SLC15A2: variants seen among roughly 807,000 people sequenced by gnomAD.
SLC15A2 encodes the protein solute carrier family 15 member 2.
Under a neutral mutation model 95.5 loss-of-function variants are expected in SLC15A2, and 77 were observed. The observed-to-expected ratio is 0.81, with a 90% CI of 0.67 to 0.97. SLC15A2 has a LOEUF of 0.97. Ranked by LOEUF, SLC15A2 falls within the 50% of genes least tolerant of loss-of-function variation. SLC15A2 has a pLI of 0.00. For missense variants in SLC15A2, 893 were observed against 874.4 expected (o/e 1.02, Z -0.27); for synonymous variants, 306 against 306.9 (o/e 1.00, Z 0.03).
In SLC15A2 at chr3:121,922,124, G is replaced by A; in HGVS notation, c.698-96G>A. 1.7e-5 allele frequency: 15 copies of A among 904,190 alleles called. No individual in the cohort carries two copies. The South Asian group carries it at 2.3e-4, about 14-fold the overall frequency. The allele number at this position is 904,190 out of a possible 1,614,324, so 56.0% of individuals were successfully genotyped here. On this transcript the variant is annotated intron_variant, in intron 7 of 21. Coordinates refer to ENST00000489711, the MANE Select transcript of SLC15A2 (RefSeq NM_021082.4). ...TTTAGGTTTGTGCAAAAGTTATTGTGGTTTTTGCCATTGAAAGTAATGGCA... is the reference window on the plus strand; with the variant it reads ...TTTAGGTTTGTGCAAAAGTTATTGTAGTTTTTGCCATTGAAAGTAATGGCA...
At chr3:121,920,973 T>A (rs1236783449) in intron 7 of SLC15A2, among the ~76,000 whole-genome samples, 4 of 152,232 alleles carry the variant, frequency 2.6e-5, no homozygotes, top group Non-Finnish European at 5.9e-5. Flanking sequence ...GTATTTCTAC[T>A]GATTTTAATT....
chr3:121,904,569 G>A (rs1709592696), intron 3 of SLC15A2, among the ~76,000 whole-genome samples: 1 of 152,150 alleles, frequency 6.6e-6, no homozygotes, highest in Non-Finnish European at 1.5e-5. Flanking sequence ...AAGGGCTGTT[G>A]ATTTTTGTCG....
Position 121,904,392 on chromosome 3 carries a change from A to G in SLC15A2, c.335+6863A>G, listed in dbSNP as rs1010651313. 1.3e-4 allele frequency among the ~76,000 whole-genome samples: 20 copies of G among 152,338 alleles called. 1 individual carries two copies. The South Asian group carries it at 3.3e-3, about 25-fold the overall frequency. ...GCCAGAACTTCCAACACTATGTTGA[A>G]TAGAAGTGGTGAGAGAGGGCATCCC... On this transcript the variant is annotated intron_variant, in intron 3 of 21. Transcript: ENST00000489711.
intron 17 of SLC15A2, 50 bp downstream of exon 17, chr3:121,929,398 A>G: frequency 6.4e-7 from 1 of 1,560,358 alleles, no homozygotes; most frequent in Non-Finnish European, 8.8e-7. Flanking sequence ...TGAATCTTGG[A>G]TCTCTTCTAA....
At chr3:121,904,644 G>A (rs955653647) in intron 3 of SLC15A2, among the ~76,000 whole-genome samples, 18 of 152,146 alleles carry the variant, frequency 1.2e-4, no homozygotes, top group Admixed American at 3.9e-4. Context: ...TTTATATGCC[G>A]GATTACGTTT....
rs767276234 is a variant in SLC15A2, at chr3:121,940,368, CT to C, written c.1909-14del. 104 of 1,608,120 alleles carry C rather than the reference CT, an allele frequency of 6.5e-5. No homozygotes were observed. The highest frequency in any genetic ancestry group is 7.7e-5 in the Non-Finnish European group (90 of 1,174,926). Reference sequence around the variant, plus strand: ...TGAAGGGGGTTTGTTTACTTTCAAACTTGTGTCATCCCCAGGCTCCCTCTAG... The same window carrying C: ...TGAAGGGGGTTTGTTTACTTTCAAACTGTGTCATCCCCAGGCTCCCTCTAG... On this transcript the variant is annotated splice_polypyrimidine_tract_variant and intron_variant, in intron 20 of 21. Coordinates refer to ENST00000489711, the MANE Select transcript of SLC15A2 (RefSeq NM_021082.4).
intron 5 of SLC15A2, 121 bp from the exon 6 acceptor site, chr3:121,915,106 T>C (rs1709859585): frequency 9.2e-7 from 1 of 1,091,126 alleles, no homozygotes; most frequent in African/African-American, 1.6e-5. Context: ...GAAATTCAGG[T>C]ATTGTGGAGG....
At chr3:121,898,614 G>A (rs986426727) in intron 3 of SLC15A2, among the ~76,000 whole-genome samples, 2 of 152,106 alleles carry the variant, frequency 1.3e-5, no homozygotes, top group Non-Finnish European at 2.9e-5. Flanking sequence ...AAGCTCTTGT[G>A]GTCAAACAAG....
chr3:121,898,681 T>C (rs1214898719), intron 3 of SLC15A2, among the ~76,000 whole-genome samples: 1 of 152,222 alleles, frequency 6.6e-6, no homozygotes, highest in African/African-American at 2.4e-5. Context: ...CATGACTTCT[T>C]ATAGCCTTAA....
intron 5 of SLC15A2, among the ~76,000 whole-genome samples, chr3:121,913,583 A>ATGAG (rs1463040474): frequency 6.6e-6 from 1 of 152,216 alleles, no homozygotes; most frequent in Non-Finnish European, 1.5e-5. Context: ...ATGGGAGGTG[A>ATGAG]TAAGTAGTAT....
chr3:121,936,472 A>C (rs1398193764), intron 19 of SLC15A2, among the ~76,000 whole-genome samples: 3 of 152,064 alleles, frequency 2.0e-5, no homozygotes, highest in African/African-American at 7.2e-5. Context: ...ATATATATTT[A>C]GGATAGTTAG....
chr3:121,913,231 C>A, intron 5 of SLC15A2, 111 bp downstream of exon 5: 1 of 778,606 alleles, frequency 1.3e-6, no homozygotes, highest in African/African-American at 1.7e-5. Flanking sequence ...CAGATCTTAT[C>A]TGAGCAGTTG....
chr3:121,925,059 AT>A, intron 13 of SLC15A2, 26 bp downstream of exon 13: 1 of 1,424,654 alleles, frequency 7.0e-7, no homozygotes, highest in Non-Finnish European at 9.9e-7. Context: ...GTCTGTATGG[AT>A]TACTCTAAAT....
At chr3:121,904,450 C>A (rs9837144) in intron 3 of SLC15A2, among the ~76,000 whole-genome samples, 68,017 of 151,940 alleles carry the variant, frequency 0.45, 15,755 homozygotes, top group East Asian at 0.69. Flanking sequence ...GGAATGCTTC[C>A]AGTTCTTGCC....
chr3:121,910,192 C>CTTTTTTTTT (rs35492489), intron 3 of SLC15A2, among the ~76,000 whole-genome samples: 1 of 126,990 alleles, frequency 7.9e-6, no homozygotes, highest in African/African-American at 2.9e-5. Context: ...AGTCACCTAA[C>CTTTTTTTTT]TTTTTTTTTT....
At chr3:121,929,562 C>A (rs553630800) in intron 17 of SLC15A2, among the ~76,000 whole-genome samples, 110 of 152,076 alleles carry the variant, frequency 7.2e-4, no homozygotes, top group Middle Eastern at 3.4e-3. Context: ...TGTGTATGCC[C>A]CCTGTACTCT....
rs1710046189 is a variant in SLC15A2 at position 121,923,290 on chromosome 3, GA to G, written c.1002+26del. 7 of 1,609,198 alleles carry G rather than the reference GA, an allele frequency of 4.3e-6. No individual in the cohort carries two copies. In the East Asian group the frequency reaches 1.6e-4, roughly 36 times the overall value. On this transcript the variant is annotated intron_variant, in intron 11 of 21. Transcript: ENST00000489711. The stretch of plus-strand genomic sequence containing the variant: ...TGGTGAGTAGAAGAGATTTTCCAGA[GA>G]AGTCTATTATTTTCTTCATCATCCA...
chr3:121,935,679 C>T (rs1424080280), intron 19 of SLC15A2, among the ~76,000 whole-genome samples: 1 of 151,980 alleles, frequency 6.6e-6, no homozygotes, highest in Non-Finnish European at 1.5e-5. Context: ...GTCTTGCTAG[C>T]AGTCTATCAA....
At chr3:121,930,095 G>T (rs185518549) in intron 17 of SLC15A2, among the ~76,000 whole-genome samples, 7 of 152,306 alleles carry the variant, frequency 4.6e-5, no homozygotes, top group Admixed American at 3.9e-4. Context: ...AGAGCCATGG[G>T]CCCCCAGAAG....
Sources: gnomAD v4.1 joint callset for allele counts (sites outside exome capture counted in the v4.1 genomes callset) on GRCh38, gnomAD v4.1.1 for gene constraint, MANE v1.5 for transcripts, NCBI Gene and HGNC (gene_info 2026-07-23, HGNC 2026-07-21) for gene names.